FOCAD: variants seen among roughly 807,000 people sequenced by gnomAD.
The protein encoded by FOCAD is focadhesin.
A neutral mutation model predicts 225.6 loss-of-function variants in FOCAD; 198 were observed. The observed-to-expected ratio is 0.88, with a 90% CI of 0.78 to 0.99. FOCAD has a LOEUF of 0.99. Ranked by LOEUF, FOCAD falls within the 50% of genes least tolerant of loss-of-function variation. FOCAD has a pLI of 0.00. For missense variants in FOCAD, 2,713 were observed against 2,123.6 expected (o/e 1.28, Z -5.46); for synonymous variants, 897 against 755.0 (o/e 1.19, Z -3.08).
chr9:20,866,098 TA>T (rs1247352595), intron 17 of FOCAD, 122 bp downstream of exon 17: 2 of 794,322 alleles, frequency 2.5e-6, no homozygotes, highest in East Asian at 2.8e-5. Flanking sequence ...TCCCAATTTT[TA>T]AAAAAAGTGT....
intron 35 of FOCAD, among the ~76,000 whole-genome samples, chr9:20,973,226 A>ATCTGCTGATGTGGCC (rs1839920778): frequency 6.7e-6 from 1 of 149,672 alleles, no homozygotes; most frequent in Non-Finnish European, 1.5e-5. Flanking sequence ...TTCTTTCAGC[A>ATCTGCTGATGTGGCC]TCTGCTGATG....
In FOCAD at chr9:20,969,338, G is replaced by A. The variant is rs889465258; in HGVS notation, c.4133-7082G>A. ...TCCTTTATATCCTCATTAATCATAC[G>A]TCTAGATATTCTATCTAGTATTGAA... On this transcript the variant is annotated intron_variant, in intron 35 of 43. Transcript: ENST00000338382. Among the ~76,000 whole-genome samples the A allele has an allele frequency of 8.9e-4, 135 of 152,034 alleles. 3 individuals carry two copies. Among genetic ancestry groups the A allele is most frequent in the African/African-American group, 3.0e-3 (123 of 41,438 alleles).
At chr9:20,982,096 G>A (rs1840750974) in intron 38 of FOCAD, among the ~76,000 whole-genome samples, 2 of 152,106 alleles carry the variant, frequency 1.3e-5, no homozygotes, top group East Asian at 3.8e-4. Context: ...ATTTTACAAA[G>A]AGGTTAGAAA....
intron 6 of FOCAD, 44 bp downstream of exon 6, chr9:20,758,235 T>C: frequency 7.3e-7 from 1 of 1,367,348 alleles, no homozygotes; most frequent in Non-Finnish European, 1.0e-6. Context: ...GGAGACAGAA[T>C]GGTATATGCT....
chr9:20,933,425 C>A (rs1299017206), intron 28 of FOCAD, among the ~76,000 whole-genome samples: 1 of 152,216 alleles, frequency 6.6e-6, no homozygotes, highest in Non-Finnish European at 1.5e-5. Context: ...TTAGCTCCCA[C>A]TTATGAGTGA....
intron 25 of FOCAD, among the ~76,000 whole-genome samples, chr9:20,924,963 G>A (rs148074920): frequency 1.3e-5 from 2 of 152,240 alleles, no homozygotes; most frequent in East Asian, 3.9e-4. Flanking sequence ...GTTTGATTGA[G>A]CATTTAACTA....
chr9:20,753,626 T>G lies in FOCAD; in HGVS notation c.393-4464T>G, dbSNP rs1007009592. Among the ~76,000 whole-genome samples the G allele has an allele frequency of 1.8e-4, 27 of 152,190 alleles. 1 individual carries two copies. The highest frequency in any genetic ancestry group is 3.4e-3 in the Middle Eastern group (1 of 294). ...GGATATTGGTCTAAAATTGTCTTTT[T>G]TGGTTGTGTCTCTGCCCGGCTTTGG... On this transcript the variant is annotated intron_variant, in intron 5 of 43. Transcript: ENST00000338382.
At chr9:20,912,730 C>G (rs930528593) in intron 22 of FOCAD, 136 bp from the exon 23 acceptor site, 1 of 614,978 alleles carries the variant, frequency 1.6e-6, no homozygotes, top group Non-Finnish European at 2.9e-6. Flanking sequence ...CCTCACACAT[C>G]CTCTTTCATA....
At chr9:20,930,277 G>A (rs1383289352) in intron 27 of FOCAD, among the ~76,000 whole-genome samples, 1 of 152,094 alleles carries the variant, frequency 6.6e-6, no homozygotes, top group Non-Finnish European at 1.5e-5. Flanking sequence ...GCATCAGTCT[G>A]CTTTAGTTTT....
intron 36 of FOCAD, among the ~76,000 whole-genome samples, chr9:20,977,856 G>A (rs1840352335): frequency 6.6e-6 from 1 of 152,092 alleles, no homozygotes; most frequent in Non-Finnish European, 1.5e-5. Flanking sequence ...AAATGTTTGT[G>A]TTTCATTTAA....
At chr9:20,704,358 A>G (rs1481528281) in intron 1 of FOCAD, among the ~76,000 whole-genome samples, 1 of 152,228 alleles carries the variant, frequency 6.6e-6, no homozygotes, top group Non-Finnish European at 1.5e-5. Flanking sequence ...GCAAATTAAA[A>G]TAGCTAAACC....
intron 9 of FOCAD, among the ~76,000 whole-genome samples, chr9:20,779,762 A>T (rs920847432): frequency 3.3e-5 from 5 of 152,166 alleles, no homozygotes; most frequent in Middle Eastern, 3.2e-3. Flanking sequence ...AAAAAAAAAA[A>T]AAGTGTGCGA....
At chr9:20,966,551 T>G (rs919443449) in intron 35 of FOCAD, among the ~76,000 whole-genome samples, 1 of 152,170 alleles carries the variant, frequency 6.6e-6, no homozygotes, top group African/African-American at 2.4e-5. Flanking sequence ...TTTCTTTTGT[T>G]GCTCAGGTTT....
At chr9:20,699,322 C>T (rs1404130613) in intron 1 of FOCAD, among the ~76,000 whole-genome samples, 1 of 151,922 alleles carries the variant, frequency 6.6e-6, no homozygotes, top group African/African-American at 2.4e-5. Context: ...AGTTGCTGGT[C>T]TTTGGAGTGG....
chr9:20,803,617 A>AGT (rs886615027), intron 11 of FOCAD, among the ~76,000 whole-genome samples: 5 of 152,176 alleles, frequency 3.3e-5, no homozygotes, highest in Admixed American at 3.3e-4. Context: ...TGCTTAGAGG[A>AGT]GTGTACAGGA....
chr9:20,945,645 A>T (rs1837098058), intron 29 of FOCAD, among the ~76,000 whole-genome samples: 1 of 152,022 alleles, frequency 6.6e-6, no homozygotes, highest in South Asian at 2.1e-4. Flanking sequence ...TAAAGTACGT[A>T]TTTTTTTTAA....
In FOCAD at chr9:20,885,947, T is replaced by C. The variant is rs1831070062; in HGVS notation, c.2625+717T>C. 2.0e-5 allele frequency among the ~76,000 whole-genome samples: 3 copies of C among 152,224 alleles called. No homozygotes were observed. The South Asian group carries it at 6.2e-4, about 31-fold the overall frequency. On this transcript the variant is annotated intron_variant, in intron 21 of 43. Coordinates refer to ENST00000338382, the MANE Select transcript of FOCAD (RefSeq NM_001375567.1). ...TATATATCAGTTATAAGTAAAAATA[T>C]ATGAATTGTAAAGATTTAATGAACT...
chr9:20,663,552 C>G (rs1294174639), intron 2 of FOCAD, among the ~76,000 whole-genome samples: 1 of 151,796 alleles, frequency 6.6e-6, no homozygotes, highest in African/African-American at 2.4e-5. Flanking sequence ...AATCTATCAT[C>G]TATCCTTAAT....
intron 22 of FOCAD, among the ~76,000 whole-genome samples, chr9:20,910,755 G>C (rs964264744): frequency 6.6e-6 from 1 of 152,046 alleles, no homozygotes; most frequent in Non-Finnish European, 1.5e-5. Context: ...TTACCAGTAA[G>C]TCAAGAATTG....
Sources: allele counts gnomAD v4.1 joint callset (sites outside exome capture counted in the v4.1 genomes callset), GRCh38; gene constraint gnomAD v4.1.1; transcripts MANE v1.5; gene names NCBI Gene and HGNC (gene_info 2026-07-23, HGNC 2026-07-21).